The following GSE1 variants were observed in gnomAD, a reference collection of about 807,000 sequenced individuals.
GSE1 encodes the protein genetic suppressor element 1.
In GSE1, 32 loss-of-function variants were observed where a neutral mutation model predicts 112.6. The ratio of observed to expected loss-of-function variants is 0.28; its 90% CI spans 0.21 to 0.38. The LOEUF (loss-of-function observed/expected upper bound fraction) is 0.38, where lower values mean the gene tolerates loss of function less well. GSE1 is among the 10% of genes least tolerant of loss of function. The pLI, the probability that GSE1 is intolerant of heterozygous loss-of-function variation, is 1.00. For synonymous variants in GSE1, 1,115 were observed against 735.6 expected (o/e 1.52, Z -8.35); for missense variants, 2,348 against 1,699.2 (o/e 1.38, Z -6.71).
intron 1 of GSE1, among the ~76,000 whole-genome samples, chr16:85,312,204 C>CGGG (rs35882426): frequency 0.017 from 923 of 55,522 alleles, 139 homozygotes; most frequent in African/African-American, 0.051. Context: ...GATCCTCTTG[C>CGGG]GGGGGGGGGG....
At chr16:85,652,040 C>T (rs1000971556) in intron 3 of GSE1, among the ~76,000 whole-genome samples, 4 of 152,214 alleles carry the variant, frequency 2.6e-5, no homozygotes, top group Non-Finnish European at 5.9e-5. Context: ...TGGAAATAGC[C>T]TCACGGGGCT....
At chr16:85,564,437 G>T (rs546202183) in intron 1 of GSE1, among the ~76,000 whole-genome samples, 1 of 152,310 alleles carries the variant, frequency 6.6e-6, no homozygotes, top group African/African-American at 2.4e-5. Flanking sequence ...GACAAGTACT[G>T]GTGCTGAGAG....
intron 2 of GSE1, among the ~76,000 whole-genome samples, chr16:85,416,258 G>A (rs1264385933): frequency 3.3e-5 from 5 of 152,194 alleles, no homozygotes; most frequent in African/African-American, 2.4e-5. Context: ...AATATGAACC[G>A]CTCTTGGAAC....
At chr16:85,240,758 A>C (rs1175649350) in intron 1 of GSE1, among the ~76,000 whole-genome samples, 1 of 152,192 alleles carries the variant, frequency 6.6e-6, no homozygotes, top group Non-Finnish European at 1.5e-5. Context: ...GGGTGTCAGA[A>C]TGGGCGCTCA....
At chr16:85,615,143 C>T (rs919163408) in intron 1 of GSE1, among the ~76,000 whole-genome samples, 1 of 152,202 alleles carries the variant, frequency 6.6e-6, no homozygotes, top group Non-Finnish European at 1.5e-5. Context: ...CCTGTGTTTA[C>T]GGCCGCCTCC....
intron 2 of GSE1, among the ~76,000 whole-genome samples, chr16:85,463,487 G>A (rs1273212203): frequency 6.6e-6 from 1 of 152,218 alleles, no homozygotes; most frequent in African/African-American, 2.4e-5. Context: ...TGGCCATGCG[G>A]CTCCTGGAGG....
At chr16:85,459,486 T>TC in intron 2 of GSE1, among the ~76,000 whole-genome samples, 1 of 152,232 alleles carries the variant, frequency 6.6e-6, no homozygotes, top group Non-Finnish European at 1.5e-5. Flanking sequence ...GGGCTCTTGT[T>TC]GGCTCCCATC....
At chr16:85,484,485 G>C (rs1012069672) in intron 2 of GSE1, among the ~76,000 whole-genome samples, 1 of 152,274 alleles carries the variant, frequency 6.6e-6, no homozygotes, top group Non-Finnish European at 1.5e-5. Context: ...GGTGTACACA[G>C]CCGTGGCGGA....
At chr16:85,661,858 C>A in intron 9 of GSE1, 93 bp downstream of exon 9, 2 of 1,290,630 alleles carry the variant, frequency 1.5e-6, no homozygotes, top group African/African-American at 1.5e-5. Flanking sequence ...TCTCCGTCCA[C>A]TCCTGCTTTT....
intron 2 of GSE1, among the ~76,000 whole-genome samples, chr16:85,640,534 G>T (rs569678874): frequency 2.6e-5 from 4 of 152,230 alleles, no homozygotes; most frequent in African/African-American, 9.6e-5. Context: ...AGGCAGATCC[G>T]GTTACTGTCC....
intron 1 of GSE1, among the ~76,000 whole-genome samples, chr16:85,606,034 G>A (rs2047689183): frequency 2.6e-5 from 4 of 152,140 alleles, no homozygotes; most frequent in Admixed American, 2.0e-4. Flanking sequence ...TGTGCCCATC[G>A]GGCTTGGCCG....
At chr16:85,363,582 C>T (rs541250067) in intron 2 of GSE1, among the ~76,000 whole-genome samples, 1 of 152,358 alleles carries the variant, frequency 6.6e-6, no homozygotes, top group African/African-American at 2.4e-5. Context: ...AGCATCCACA[C>T]ACAGCAGAGG....
At chr16:85,597,950 CAG>C (rs941128910) in intron 1 of GSE1, among the ~76,000 whole-genome samples, 15 of 152,220 alleles carry the variant, frequency 9.9e-5, no homozygotes, top group African/African-American at 3.4e-4. Context: ...GATCGGCCCT[CAG>C]GGTATTCAGA....
intron 1 of GSE1, among the ~76,000 whole-genome samples, chr16:85,591,414 G>C (rs1374917253): frequency 6.6e-6 from 1 of 152,256 alleles, no homozygotes. Flanking sequence ...AGGGAGATTT[G>C]GGAGCCCAGT....
intron 1 of GSE1, among the ~76,000 whole-genome samples, chr16:85,269,637 C>A (rs1395453179): frequency 6.7e-6 from 1 of 149,400 alleles, no homozygotes; most frequent in East Asian, 1.9e-4. Context: ...GGCCCCTCCC[C>A]TGGCCCCCGA....
At chr16:85,285,441 G>A (rs2044992112) in intron 1 of GSE1, 2 of 152,130 alleles carry the variant, frequency 1.3e-5, no homozygotes, top group East Asian at 3.8e-4. Context: ...TAGCACTTTG[G>A]GAGGCTGAGG....
chr16:85,304,781 G>C (rs1418986188), intron 1 of GSE1, among the ~76,000 whole-genome samples: 2 of 152,182 alleles, frequency 1.3e-5, no homozygotes, highest in African/African-American at 4.8e-5. Flanking sequence ...ATAAGACAGC[G>C]ACCAGGCCGC....
intron 1 of GSE1, among the ~76,000 whole-genome samples, chr16:85,629,362 A>G (rs1204864757): frequency 1.3e-5 from 2 of 152,216 alleles, no homozygotes; most frequent in East Asian, 1.9e-4. Flanking sequence ...GAGAATTGGC[A>G]TCTGCTCCCA....
chr16:85,480,935 C>T (rs2050659967), intron 2 of GSE1, among the ~76,000 whole-genome samples: 1 of 152,238 alleles, frequency 6.6e-6, no homozygotes, highest in African/African-American at 2.4e-5. Flanking sequence ...CCCCAGGGAG[C>T]AGCGCGTGCA....
Sources: gnomAD v4.1 joint callset for allele counts (sites outside exome capture counted in the v4.1 genomes callset) on GRCh38, gnomAD v4.1.1 for gene constraint, MANE v1.5 for transcripts, NCBI Gene and HGNC (gene_info 2026-07-23, HGNC 2026-07-21) for gene names.